NALF1: variants seen among roughly 807,000 people sequenced by gnomAD.
NALF1 encodes family with sequence similarity 155 member A.
Under a neutral mutation model 48.4 loss-of-function variants are expected in NALF1, and 3 were observed. The ratio of observed to expected loss-of-function variants is 0.06; its 90% CI spans 0.03 to 0.16. The LOEUF (loss-of-function observed/expected upper bound fraction) is 0.16, where lower values mean the gene tolerates loss of function less well. Among genes scored for constraint, NALF1 ranks in the 10% least tolerant of loss-of-function variants. NALF1 has a pLI of 1.00. For missense variants in NALF1, 526 were observed against 571.5 expected (o/e 0.92, Z 0.81); for synonymous variants, 262 against 245.7 (o/e 1.07, Z -0.62).
At chr13:107,392,777 C>G (rs1883649403) in intron 1 of NALF1, among the ~76,000 whole-genome samples, 1 of 152,158 alleles carries the variant, frequency 6.6e-6, no homozygotes, top group African/African-American at 2.4e-5. Flanking sequence ...GACTGGTCAA[C>G]CAGCATCACA....
chr13:107,702,144 A>C (rs79477646), intron 1 of NALF1, among the ~76,000 whole-genome samples: 3,630 of 152,270 alleles, frequency 0.024, 147 homozygotes, highest in African/African-American at 0.082. Context: ...TGTAATATCG[A>C]GAGTACGGAA....
At chr13:107,605,567 A>G (rs928939426) in intron 1 of NALF1, among the ~76,000 whole-genome samples, 18 of 151,010 alleles carry the variant, frequency 1.2e-4, no homozygotes, top group Non-Finnish European at 2.1e-4. Context: ...GTTTCACAGG[A>G]AAAAAAAAGA....
chr13:107,467,775 C>G (rs529045168), intron 1 of NALF1, among the ~76,000 whole-genome samples: 5 of 152,050 alleles, frequency 3.3e-5, no homozygotes, highest in African/African-American at 1.2e-4. Context: ...GTGCGGTGGC[C>G]CACGCCTGTA....
At chr13:107,277,721 A>C (rs1341910246) in intron 1 of NALF1, among the ~76,000 whole-genome samples, 2 of 152,192 alleles carry the variant, frequency 1.3e-5, no homozygotes, top group Non-Finnish European at 2.9e-5. Context: ...ACCTACCATC[A>C]ACCAATTTCT....
At chr13:107,696,179 G>C (rs1881697661) in intron 1 of NALF1, among the ~76,000 whole-genome samples, 1 of 152,212 alleles carries the variant, frequency 6.6e-6, no homozygotes, top group Non-Finnish European at 1.5e-5. Flanking sequence ...TTATAGGCGT[G>C]AGCCACTGCA....
intron 1 of NALF1, among the ~76,000 whole-genome samples, chr13:107,383,957 GC>G (rs1345416233): frequency 6.6e-6 from 1 of 152,122 alleles, no homozygotes; most frequent in Non-Finnish European, 1.5e-5. Flanking sequence ...ATTTAAAATG[GC>G]ATGCATTAAG....
chr13:107,663,210 G>A (rs1029636614), intron 1 of NALF1, among the ~76,000 whole-genome samples: 1 of 152,192 alleles, frequency 6.6e-6, no homozygotes, highest in South Asian at 2.1e-4. Flanking sequence ...GTTCAACTGT[G>A]TTTGAAGGTG....
intron 1 of NALF1, among the ~76,000 whole-genome samples, chr13:107,353,881 T>C (rs985652496): frequency 2.6e-5 from 4 of 152,192 alleles, no homozygotes; most frequent in Non-Finnish European, 5.9e-5. Flanking sequence ...TTTATTCCTA[T>C]ACTTAAAAAG....
intron 1 of NALF1, among the ~76,000 whole-genome samples, chr13:107,607,539 C>T (rs1879105675): frequency 6.6e-6 from 1 of 151,994 alleles, no homozygotes. Flanking sequence ...GTTGTTTTTC[C>T]TTGTAAAGAG....
At position 107,867,172 on chromosome 13, in the gene NALF1, C is replaced by T. The variant is rs1037589504; in HGVS notation, c.-576G>A. 6.6e-6 allele frequency among the ~76,000 whole-genome samples: 1 copy of T among 151,850 alleles called. No homozygotes were observed. Among genetic ancestry groups the T allele is most frequent in the Non-Finnish European group, 1.5e-5 (1 of 67,880 alleles). On this transcript the variant is annotated 5_prime_UTR_variant, in exon 1 of 3. Coordinates refer to ENST00000375915, the MANE Select transcript of NALF1 (RefSeq NM_001080396.3). The surrounding 1 kb of genome is among the most constrained non-coding windows in gnomAD (Gnocchi z 4.4). ...TCTTCTCCTCCTCTTCCTCCTCCTT[C>T]CTTTCCTTCTCCTTCTTCTTCTCCT... is the stretch of plus-strand genomic sequence containing the variant.
intron 1 of NALF1, among the ~76,000 whole-genome samples, chr13:107,607,808 C>T (rs1594157227): frequency 1.3e-5 from 2 of 152,278 alleles, no homozygotes; most frequent in Non-Finnish European, 1.5e-5. Flanking sequence ...CCGGAAGCCA[C>T]CACACAGGGC....
intron 1 of NALF1, among the ~76,000 whole-genome samples, chr13:107,701,618 A>C (rs553928243): frequency 4.1e-4 from 62 of 152,186 alleles, no homozygotes; most frequent in Non-Finnish European, 7.5e-4. Flanking sequence ...GTCAAAAAAC[A>C]CAAAGTAGCA....
intron 1 of NALF1, among the ~76,000 whole-genome samples, chr13:107,490,694 A>G (rs1437715317): frequency 6.6e-6 from 1 of 152,056 alleles, no homozygotes; most frequent in Non-Finnish European, 1.5e-5. Flanking sequence ...AAACCTGCAC[A>G]TGTAACCCTG....
intron 1 of NALF1, among the ~76,000 whole-genome samples, chr13:107,792,992 C>G (rs1878296846): frequency 6.6e-6 from 1 of 152,114 alleles, no homozygotes; most frequent in Admixed American, 6.6e-5. Context: ...TTCTGTAGCT[C>G]CAATGTCCTT....
chr13:107,511,348 A>G (rs1875885451), intron 1 of NALF1, among the ~76,000 whole-genome samples: 4 of 152,228 alleles, frequency 2.6e-5, no homozygotes. Context: ...CTCAAATATT[A>G]GATTTATAGG....
intron 1 of NALF1, among the ~76,000 whole-genome samples, chr13:107,626,735 G>T (rs1009565940): frequency 6.6e-6 from 1 of 152,082 alleles, no homozygotes; most frequent in Non-Finnish European, 1.5e-5. Context: ...TAAAAAAGTG[G>T]ATCTCATGGA....
rs1199686517 is a variant in NALF1 at position 107,328,319 on chromosome 13, T to C, written c.916-117564A>G. 5.3e-5 allele frequency among the ~76,000 whole-genome samples: 8 copies of C among 150,366 alleles called. No homozygotes were observed. The East Asian group carries it at 1.6e-3, about 29-fold the overall frequency. On this transcript the variant is annotated intron_variant, in intron 1 of 2. Coordinates refer to ENST00000375915, the MANE Select transcript of NALF1 (RefSeq NM_001080396.3). Reference sequence around the variant, plus strand: ...ACACACACACACACACACACACTTTTGTTTGGCTCTCACTATTCTGTAATT... The same window carrying C: ...ACACACACACACACACACACACTTTCGTTTGGCTCTCACTATTCTGTAATT...
chr13:107,406,857 AC>A (rs1883908558), intron 1 of NALF1, among the ~76,000 whole-genome samples: 1 of 152,110 alleles, frequency 6.6e-6, no homozygotes, highest in Non-Finnish European at 1.5e-5. Context: ...GTATTACCTG[AC>A]TTCAAACTAT....
In NALF1 at chr13:107,292,689, T is replaced by C. The variant is rs1881646565; in HGVS notation, c.916-81934A>G. Among the ~76,000 whole-genome samples the C allele has an allele frequency of 2.6e-5, 4 of 152,166 alleles. No homozygotes were observed. In the South Asian group the frequency reaches 6.2e-4, roughly 24 times the overall value. On this transcript the variant is annotated intron_variant, in intron 1 of 2. Transcript: ENST00000375915. The stretch of plus-strand genomic sequence containing the variant: ...CCAAAGCCTTCTTCTATAATACCTA[T>C]TGATGAACCTGCCTGAGGCTGTTTA...
Sources: allele counts gnomAD v4.1 joint callset (sites outside exome capture counted in the v4.1 genomes callset), GRCh38; gene constraint gnomAD v4.1.1; non-coding constraint Gnocchi (gnomAD v3.1); transcripts MANE v1.5; gene names NCBI Gene and HGNC (gene_info 2026-07-23, HGNC 2026-07-21).